The following SCRG1 variants were observed in gnomAD, a reference collection of about 807,000 sequenced individuals.
SCRG1 encodes scrapie-responsive protein 1.
Under a neutral mutation model 7.7 loss-of-function variants are expected in SCRG1, and 3 were observed. The observed-to-expected ratio is 0.39, with a 90% CI of 0.18 to 1.01. The LOEUF is 1.01. Ranked by LOEUF, SCRG1 falls within the 50% of genes least tolerant of loss-of-function variation. The pLI is 0.36. For synonymous variants in SCRG1, 46 were observed against 41.2 expected (o/e 1.12, Z -0.44); for missense variants, 110 against 117.2 (o/e 0.94, Z 0.28).
chr4:173,417,420 T>C, the SCRG1 span, among the ~76,000 whole-genome samples: 2 of 152,188 alleles, frequency 1.3e-5, no homozygotes, highest in African/African-American at 4.8e-5. Context: ...CATGCCCCAG[T>C]TGCCCCCTAA....
the SCRG1 span, among the ~76,000 whole-genome samples, chr4:173,457,207 C>T: frequency 1.3e-5 from 2 of 152,066 alleles, no homozygotes; most frequent in African/African-American, 4.8e-5. Flanking sequence ...GACTTTTCCA[C>T]AAAGCACGGT....
chr4:173,474,196 A>T, the SCRG1 span, among the ~76,000 whole-genome samples: 50,032 of 152,052 alleles, frequency 0.33, 8,615 homozygotes, highest in South Asian at 0.47. Context: ...TTAAAATTCA[A>T]TTATTACATA....
the SCRG1 span, among the ~76,000 whole-genome samples, chr4:173,463,938 A>C: frequency 6.6e-6 from 1 of 152,176 alleles, no homozygotes; most frequent in Non-Finnish European, 1.5e-5. Flanking sequence ...AGCTGAGCCA[A>C]GATTCAACGG....
chr4:173,455,329 C>T, the SCRG1 span, among the ~76,000 whole-genome samples: 1 of 152,220 alleles, frequency 6.6e-6, no homozygotes, highest in Admixed American at 6.5e-5. Context: ...TGTCACAGAA[C>T]ATATACCTGT....
the SCRG1 span, chr4:173,419,411 GC>G: frequency 8.2e-6 from 10 of 1,213,426 alleles, no homozygotes; most frequent in Non-Finnish European, 1.2e-5. Flanking sequence ...AGCAGCATGA[GC>G]TTTCTTATAC....
the SCRG1 span, among the ~76,000 whole-genome samples, chr4:173,426,483 T>C: frequency 1.3e-5 from 2 of 152,346 alleles, no homozygotes; most frequent in East Asian, 3.9e-4. Flanking sequence ...TTTTATTTTA[T>C]TGAGACAGGG....
chr4:173,491,508 T>C, the SCRG1 span, among the ~76,000 whole-genome samples: 61 of 152,280 alleles, frequency 4.0e-4, no homozygotes, highest in Non-Finnish European at 5.7e-4. Context: ...ACCAAACAAT[T>C]CCCTCTGGAC....
Position 173,397,348 on chromosome 4 carries a change from G to A in SCRG1, c.-15+1720C>T, listed in dbSNP as rs73872590. 5.1e-3 allele frequency among the ~76,000 whole-genome samples: 774 copies of A among 151,498 alleles called. 5 individuals are homozygous for A. The highest frequency in any genetic ancestry group is 0.018 in the African/African-American group (730 of 41,292). ...TCTTTTTTTTTTCTTTTTCAGTTGA[G>A]GTACATGTACTTAAAATCCCTCCTG... On this transcript the variant is annotated intron_variant, in intron 1 of 2. Transcript: ENST00000296506.
the SCRG1 span, among the ~76,000 whole-genome samples, chr4:173,465,254 T>G: frequency 2.0e-5 from 3 of 152,172 alleles, no homozygotes; most frequent in Admixed American, 2.0e-4. Context: ...TTATGAATAT[T>G]AAACCACAAT....
the SCRG1 span, among the ~76,000 whole-genome samples, chr4:173,485,612 A>T: frequency 1.3e-5 from 2 of 152,112 alleles, no homozygotes; most frequent in African/African-American, 4.8e-5. Flanking sequence ...CCACTTCAAG[A>T]GGATACATAG....
At chr4:173,460,057 G>A in the SCRG1 span, among the ~76,000 whole-genome samples, 1 of 152,062 alleles carries the variant, frequency 6.6e-6, no homozygotes, top group Non-Finnish European at 1.5e-5. Context: ...CCGCTGCCCC[G>A]CCACCGCCCT....
At chr4:173,419,944 C>T in the SCRG1 span, 2 of 738,334 alleles carry the variant, frequency 2.7e-6, no homozygotes, top group East Asian at 2.5e-5. Context: ...TCATAGCCCC[C>T]TCTATACGGG....
At chr4:173,455,472 G>A in the SCRG1 span, among the ~76,000 whole-genome samples, 1 of 152,062 alleles carries the variant, frequency 6.6e-6, no homozygotes, top group Non-Finnish European at 1.5e-5. Flanking sequence ...AAGTCCCCTG[G>A]CCTTTGGCTG....
chr4:173,464,525 G>A, the SCRG1 span, among the ~76,000 whole-genome samples: 1 of 152,140 alleles, frequency 6.6e-6, no homozygotes, highest in Non-Finnish European at 1.5e-5. Flanking sequence ...AATGTTAAAA[G>A]TATATAGGTG....
At chr4:173,429,999 G>C in the SCRG1 span, among the ~76,000 whole-genome samples, 1 of 11,962 alleles carries the variant, frequency 8.4e-5, no homozygotes, top group Non-Finnish European at 1.7e-3. Context: ...GATGGCTATG[G>C]GTTTTTTTTT....
chr4:173,510,020 A>G, the SCRG1 span, among the ~76,000 whole-genome samples: 5 of 152,226 alleles, frequency 3.3e-5, no homozygotes, highest in South Asian at 8.3e-4. The surrounding 1 kb of genome is among the most constrained non-coding windows in gnomAD (Gnocchi z 5.7). Flanking sequence ...CATTTTAAAG[A>G]CTGCAGCAGC....
the SCRG1 span, among the ~76,000 whole-genome samples, chr4:173,465,157 AATAG>A: frequency 2.6e-5 from 4 of 152,212 alleles, no homozygotes; most frequent in African/African-American, 2.4e-5. Context: ...AAACACTGGA[AATAG>A]ATAGTGGTGA....
chr4:173,446,630 CAT>C, the SCRG1 span: 3 of 152,166 alleles, frequency 2.0e-5, no homozygotes, highest in African/African-American at 7.2e-5. Context: ...CACAAATTTG[CAT>C]ATCATCTTTG....
At chr4:173,466,464 T>G in the SCRG1 span, among the ~76,000 whole-genome samples, 1 of 152,042 alleles carries the variant, frequency 6.6e-6, no homozygotes, top group African/African-American at 2.4e-5. Flanking sequence ...TACAGTCAAA[T>G]GGCAGAATTA....
Sources: allele counts gnomAD v4.1 joint callset (sites outside exome capture counted in the v4.1 genomes callset), GRCh38; gene constraint gnomAD v4.1.1; non-coding constraint Gnocchi (gnomAD v3.1); transcripts MANE v1.5; gene names NCBI Gene and HGNC (gene_info 2026-07-23, HGNC 2026-07-21).